Variants in PARP15 observed in about 807,000 individuals in gnomAD.
The protein encoded by PARP15 is poly(ADP-ribose) polymerase family member 15, also known as protein mono-ADP-ribosyltransferase PARP15.
A neutral mutation model predicts 62.1 loss-of-function variants in PARP15; 50 were observed. The observed-to-expected ratio is 0.81, with a 90% CI of 0.64 to 1.02. The LOEUF (loss-of-function observed/expected upper bound fraction) is 1.02, where lower values mean the gene tolerates loss of function less well. Ranked by LOEUF, PARP15 falls within the 50% of genes least tolerant of loss-of-function variation. The pLI, the probability that PARP15 is intolerant of heterozygous loss-of-function variation, is 0.00. For synonymous variants in PARP15, 309 were observed against 293.1 expected (o/e 1.05, Z -0.55); for missense variants, 820 against 826.5 (o/e 0.99, Z 0.10).
chr3:122,590,965 T>C (rs1215340119), intron 1 of PARP15, among the ~76,000 whole-genome samples: 1 of 152,232 alleles, frequency 6.6e-6, no homozygotes, highest in African/African-American at 2.4e-5. Context: ...TTTACTATCA[T>C]GTTTGTTACT....
rs1233000369 is a variant in PARP15, at chr3:122,577,825, C to T, written c.158C>T (p.Ala53Val). 9 of 1,550,168 alleles carry T rather than the reference C, an allele frequency of 5.8e-6. No individual in the cohort carries two copies. The highest frequency in any genetic ancestry group is 7.9e-6 in the Non-Finnish European group (9 of 1,146,164). The change falls in exon 1 of 12, where the codon GCC (alanine) becomes GTC (valine). Residue 53 changes from alanine (A) to valine (V), a missense_variant. Around this residue, in one of 3 missense-constraint regions of PARP15, gnomAD observed 731 missense variants for 727.7 expected, o/e 1.00. Coordinates refer to ENST00000464300, the MANE Select transcript of PARP15 (RefSeq NM_001113523.3). ...LPAGNRGARK[A>V]SRRSSSRSMS... ...GCCGGGAACCGTGGGGCGCGGAAGG[C>T]CTCCCGGCGCTCTTCCTCCCGGAGT...
intron 9 of PARP15, among the ~76,000 whole-genome samples, chr3:122,628,534 T>TA: frequency 6.6e-6 from 1 of 152,300 alleles, no homozygotes; most frequent in East Asian, 1.9e-4. Flanking sequence ...GAACAGTAAA[T>TA]AAGTCATTAT....
At chr3:122,591,183 C>T (rs1302036563) in intron 1 of PARP15, among the ~76,000 whole-genome samples, 2 of 152,100 alleles carry the variant, frequency 1.3e-5, no homozygotes, top group African/African-American at 2.4e-5. Context: ...TAAAAATATC[C>T]TGAGTGTTTC....
chr3:122,619,684 A>G (rs753403696), intron 6 of PARP15, 97 bp from the exon 7 acceptor site: 311 of 1,075,466 alleles, frequency 2.9e-4, no homozygotes, highest in Admixed American at 5.1e-4. Context: ...TGGATTATGC[A>G]CAAAAGGGTG....
intron 1 of PARP15, among the ~76,000 whole-genome samples, chr3:122,594,041 G>C (rs1168846743): frequency 1.3e-5 from 2 of 152,056 alleles, no homozygotes; most frequent in African/African-American, 4.8e-5. Flanking sequence ...AATGAAATTG[G>C]GGGTTAGAGA....
intron 1 of PARP15, among the ~76,000 whole-genome samples, chr3:122,598,991 G>A (rs1283615834): frequency 6.6e-6 from 1 of 152,096 alleles, no homozygotes; most frequent in African/African-American, 2.4e-5. Context: ...TGCCTCCCAG[G>A]TTCAAGCAAT....
chr3:122,596,821 T>C (rs2107494826), intron 1 of PARP15, among the ~76,000 whole-genome samples: 1 of 152,298 alleles, frequency 6.6e-6, no homozygotes, highest in South Asian at 2.1e-4. Context: ...AAAGTATCCC[T>C]GAAACTATAA....
At chr3:122,591,572 C>T (rs531247910) in intron 1 of PARP15, among the ~76,000 whole-genome samples, 93 of 152,166 alleles carry the variant, frequency 6.1e-4, no homozygotes, top group African/African-American at 2.1e-3. Flanking sequence ...ACCATCCTGG[C>T]AAACATGGTG....
chr3:122,592,601 A>G (rs1301271734), intron 1 of PARP15, among the ~76,000 whole-genome samples: 1 of 129,004 alleles, frequency 7.8e-6, no homozygotes, highest in African/African-American at 2.8e-5. Flanking sequence ...ACTTAAAATA[A>G]ATATTAAAAT....
At chr3:122,582,800 A>G (rs775712874) in intron 1 of PARP15, among the ~76,000 whole-genome samples, 2 of 152,120 alleles carry the variant, frequency 1.3e-5, no homozygotes, top group African/African-American at 2.4e-5. Context: ...AAGTTTTGCC[A>G]TAGCTTACTA....
In PARP15 at chr3:122,629,642, GTTA is replaced by G. The variant is rs530543514; in HGVS notation, c.1439-2431_1439-2429del. Among the ~76,000 whole-genome samples the G allele has an allele frequency of 2.0e-3, 311 of 152,146 alleles. 1 individual carries two copies. The highest frequency in any genetic ancestry group is 6.3e-3 in the African/African-American group (262 of 41,516). On this transcript the variant is annotated intron_variant, in intron 9 of 11. Transcript: ENST00000464300. ...GTGCATTACATTTATTGTCCACTTTGTTATTATTATTATTACATTGTAATATAT... is the reference window on the plus strand; with the variant it reads ...GTGCATTACATTTATTGTCCACTTTGTTATTATTATTACATTGTAATATAT...
intron 9 of PARP15, among the ~76,000 whole-genome samples, chr3:122,629,203 C>T (rs1487346694): frequency 2.6e-5 from 4 of 152,116 alleles, no homozygotes; most frequent in Non-Finnish European, 4.4e-5. Context: ...CACTATGTTG[C>T]CCAGGCTGGA....
Position 122,635,914 on chromosome 3 carries a change from T to G in PARP15, c.1851T>G (p.Val617=), listed in dbSNP as rs150658712. The change falls in exon 12 of 12, where the codon GTT becomes GTG. Residue 617 remains valine (V), a synonymous_variant. Transcript: ENST00000464300. The part of the protein sequence containing the change: ...PDSNGRKHMY[V]VRVLTGVFTK... Reference sequence around the variant, plus strand: ...GCAATGGGAGAAAGCACATGTACGTTGTGCGAGTACTTACTGGAGTCTTCA... The same window carrying G: ...GCAATGGGAGAAAGCACATGTACGTGGTGCGAGTACTTACTGGAGTCTTCA... 61 of 1,614,056 alleles carry G rather than the reference T, an allele frequency of 3.8e-5. No individual in the cohort carries two copies. Among genetic ancestry groups the G allele is most frequent in the Non-Finnish European group, 4.7e-5 (56 of 1,180,016 alleles).
intron 5 of PARP15, 56 bp downstream of exon 5, chr3:122,615,913 G>C: frequency 6.6e-7 from 1 of 1,513,246 alleles, no homozygotes; most frequent in African/African-American, 1.4e-5. Context: ...CAACTCTTCA[G>C]TGGTAGTTGA....
intron 2 of PARP15, among the ~76,000 whole-genome samples, chr3:122,606,470 G>A (rs1005279681): frequency 1.1e-4 from 16 of 152,182 alleles, no homozygotes; most frequent in Non-Finnish European, 2.2e-4. Context: ...AACACAGGAA[G>A]AATGAGGAGG....
rs751515375 is a variant in PARP15, at chr3:122,621,612, G to T, written c.1231+1G>T. On this transcript the variant is annotated splice_donor_variant, in intron 8 of 11. Coordinates refer to ENST00000464300, the MANE Select transcript of PARP15 (RefSeq NM_001113523.3). LOFTEE classifies it high-confidence loss of function. The stretch of plus-strand genomic sequence containing the variant: ...GTTTCCCTTCCAGCCATTGGAACAG[G>T]TTTGCAGCTTATCATTCTATAATAA... 12 of 1,578,738 alleles carry T rather than the reference G, an allele frequency of 7.6e-6. No homozygotes were observed. The highest frequency in any genetic ancestry group is 1.0e-5 in the Non-Finnish European group (12 of 1,167,140).
chr3:122,621,452 C>G lies in PARP15; in HGVS notation c.1072C>G (p.Pro358Ala), dbSNP rs777720782. The G allele has an allele frequency of 9.7e-5, 156 of 1,609,812 alleles. 2 individuals are homozygous for G. The South Asian group carries it at 1.7e-3, about 18-fold the overall frequency. The change falls in exon 8 of 12, where the codon CCT becomes GCT. Residue 358 changes from proline (P) to alanine (A), a missense_variant. Transcript: ENST00000464300. The stretch of plus-strand genomic sequence containing the variant: ...TCTTTCCTTTTTTTCAGCTGCACAG[C>G]CTCACAGAGATTTTATAATTACACC... Reference protein sequence around the residue: ...ESECAVLAAQPHRDFIITPGG... With the variant: ...ESECAVLAAQAHRDFIITPGG...
intron 1 of PARP15, among the ~76,000 whole-genome samples, chr3:122,600,682 A>C (rs1227668020): frequency 6.6e-6 from 1 of 152,132 alleles, no homozygotes. Context: ...AAGTAAGCAC[A>C]TACCACAGGT....
chr3:122,610,668 T>C lies in PARP15; in HGVS notation c.481T>C (p.Cys161Arg), dbSNP rs560978225. ...IFMTSGCNLDCKAVLHAVAPY... is the reference protein window; with the variant it reads ...IFMTSGCNLDRKAVLHAVAPY... Reference sequence around the variant, plus strand: ...CATGACAAGCGGCTGCAATCTGGACTGCAAAGCTGTGCTCCATGCTGTGGC... The same window carrying C: ...CATGACAAGCGGCTGCAATCTGGACCGCAAAGCTGTGCTCCATGCTGTGGC... Residue 161 changes from cysteine (C) to arginine (R), a missense_variant, in exon 3 of 12, where the codon TGC becomes CGC. Around this residue, in one of 3 missense-constraint regions of PARP15, gnomAD observed 731 missense variants for 727.7 expected, o/e 1.00. Transcript: ENST00000464300. 2 of 1,550,460 alleles carry C rather than the reference T, an allele frequency of 1.3e-6. No homozygotes were observed. The highest frequency in any genetic ancestry group is 3.9e-5 in the Admixed American group (2 of 50,924).
Sources: allele counts gnomAD v4.1 joint callset (sites outside exome capture counted in the v4.1 genomes callset), GRCh38; gene constraint gnomAD v4.1.1; regional missense constraint gnomAD v4.1.1; transcripts MANE v1.5; gene names NCBI Gene and HGNC (gene_info 2026-07-23, HGNC 2026-07-21).